The following MYO1E variants were observed in gnomAD, a reference collection of about 807,000 sequenced individuals.
MYO1E encodes unconventional myosin-Ie.
Under a neutral mutation model 151.1 loss-of-function variants are expected in MYO1E, and 68 were observed. The observed-to-expected ratio is 0.45, with a 90% CI of 0.37 to 0.55. The LOEUF is 0.55. Among genes scored for constraint, MYO1E ranks in the 20% least tolerant of loss-of-function variants. The pLI, the probability that MYO1E is intolerant of heterozygous loss-of-function variation, is 0.00. For missense variants in MYO1E, 1,363 were observed against 1,389.3 expected (o/e 0.98, Z 0.30); for synonymous variants, 601 against 501.7 (o/e 1.20, Z -2.64).
At chr15:59,225,804 G>A (rs1261818234) in intron 7 of MYO1E, among the ~76,000 whole-genome samples, 4 of 151,820 alleles carry the variant, frequency 2.6e-5, no homozygotes, top group Non-Finnish European at 5.9e-5. Context: ...CCACCACCAC[G>A]GCCAGCTAAT....
Position 59,137,369 on chromosome 15 carries a change from T to G in MYO1E, c.*11A>C, listed in dbSNP as rs2079379557. The G allele has an allele frequency of 6.2e-7, 1 of 1,613,556 alleles. No homozygotes were observed. The highest frequency in any genetic ancestry group is 1.3e-5 in the African/African-American group (1 of 74,908). On this transcript the variant is annotated 3_prime_UTR_variant, in exon 28 of 28. Transcript: ENST00000288235. Reference sequence around the variant, plus strand: ...AGCTCCTCTGCCCCATGTGTCAGAGTCACGGGCACCTCAGATCTTGGTCAC... The same window carrying G: ...AGCTCCTCTGCCCCATGTGTCAGAGGCACGGGCACCTCAGATCTTGGTCAC...
At chr15:59,192,483 A>G (rs1236460056) in intron 17 of MYO1E, among the ~76,000 whole-genome samples, 4 of 152,130 alleles carry the variant, frequency 2.6e-5, no homozygotes, top group Non-Finnish European at 4.4e-5. Flanking sequence ...TCTATTTTAG[A>G]GGGGCTTTCA....
intron 1 of MYO1E, among the ~76,000 whole-genome samples, chr15:59,308,846 A>G (rs1213858234): frequency 6.6e-6 from 1 of 151,558 alleles, no homozygotes; most frequent in Non-Finnish European, 1.5e-5. Flanking sequence ...CTCAAAAAAA[A>G]AAAATCCTCT....
chr15:59,315,678 G>A (rs1179376742), intron 1 of MYO1E, among the ~76,000 whole-genome samples: 1 of 152,058 alleles, frequency 6.6e-6, no homozygotes, highest in African/African-American at 2.4e-5. Context: ...TCATCAGACT[G>A]TGAGGAAGAT....
chr15:59,254,441 C>T (rs1321020153), intron 4 of MYO1E, among the ~76,000 whole-genome samples: 1 of 152,146 alleles, frequency 6.6e-6, no homozygotes, highest in African/African-American at 2.4e-5. Context: ...CTCCTGCCCC[C>T]TGGCTTCCCA....
rs76518452 is a variant in MYO1E at position 59,136,208 on chromosome 15, C to T, written c.*1172G>A. The T allele has an allele frequency of 6.1e-4, 95 of 155,072 alleles. 2 individuals carry two copies. In the East Asian group the frequency reaches 0.016, roughly 26 times the overall value. 9.6% of individuals were successfully genotyped at this position (155,072 alleles called of 1,614,324 possible). ...CACCATTATATTGGATTAAGACCCA[C>T]TCTAATGACTTCATTTTAATTAGTT... is the stretch of plus-strand genomic sequence containing the variant. On this transcript the variant is annotated 3_prime_UTR_variant, in exon 28 of 28. Coordinates refer to ENST00000288235, the MANE Select transcript of MYO1E (RefSeq NM_004998.4).
intron 26 of MYO1E, among the ~76,000 whole-genome samples, chr15:59,151,851 T>C (rs1402073910): frequency 5.3e-5 from 8 of 151,584 alleles, no homozygotes; most frequent in African/African-American, 1.2e-4. Context: ...ATCAAGACCA[T>C]CCTGGCCAAC....
chr15:59,256,265 A>G lies in MYO1E; in HGVS notation c.332+19T>C, dbSNP rs780262527. The G allele has an allele frequency of 6.4e-7, 1 of 1,554,806 alleles. No homozygotes were observed. The highest frequency in any genetic ancestry group is 8.9e-7 in the Non-Finnish European group (1 of 1,126,488). On this transcript the variant is annotated intron_variant, in intron 4 of 27. Transcript: ENST00000288235. ...AGTCTCATATCTTCCACGCCCACTG[A>G]TAAGGATCTTCTTCATACCTGATAA...
intron 26 of MYO1E, among the ~76,000 whole-genome samples, chr15:59,149,354 C>A (rs1285047317): frequency 6.6e-6 from 1 of 152,230 alleles, no homozygotes; most frequent in African/African-American, 2.4e-5. Flanking sequence ...CCGCGCCCGG[C>A]CTGGATGAAC....
At chr15:59,266,445 C>T (rs186500752) in intron 2 of MYO1E, among the ~76,000 whole-genome samples, 22 of 152,238 alleles carry the variant, frequency 1.4e-4, no homozygotes, top group African/African-American at 5.1e-4. Context: ...TTCCCAAATG[C>T]CTGCCCGTGG....
intron 1 of MYO1E, among the ~76,000 whole-genome samples, chr15:59,367,638 T>C (rs1271442926): frequency 2.0e-5 from 3 of 152,220 alleles, no homozygotes; most frequent in South Asian, 2.1e-4. Context: ...AAGGTGTGGA[T>C]GTATGGATAA....
At chr15:59,304,369 G>T (rs1052183446) in intron 1 of MYO1E, among the ~76,000 whole-genome samples, 2 of 152,176 alleles carry the variant, frequency 1.3e-5, no homozygotes, top group Non-Finnish European at 2.9e-5. Flanking sequence ...GGGTTCCTAC[G>T]CTACTGTTTC....
At chr15:59,253,901 C>CTTTTTTTTTTTTTTTTTTTT (rs34819314) in intron 4 of MYO1E, among the ~76,000 whole-genome samples, 12 of 135,846 alleles carry the variant, frequency 8.8e-5, no homozygotes, top group Non-Finnish European at 1.4e-4. Flanking sequence ...GACAAACAAC[C>CTTTTTTTTTTTTTTTTTTTT]TTTTTTTTTT....
intron 4 of MYO1E, among the ~76,000 whole-genome samples, chr15:59,239,884 G>A (rs1336537395): frequency 1.3e-5 from 2 of 152,194 alleles, no homozygotes; most frequent in South Asian, 2.1e-4. Context: ...TACAGTATAT[G>A]CAACCATAAT....
chr15:59,139,908 A>G (rs2079399452), intron 26 of MYO1E, among the ~76,000 whole-genome samples: 1 of 147,966 alleles, frequency 6.8e-6, no homozygotes, highest in Admixed American at 6.8e-5. Flanking sequence ...TCAATCAGTT[A>G]TTACTCCTCA....
intron 1 of MYO1E, among the ~76,000 whole-genome samples, chr15:59,347,606 T>A (rs896848659): frequency 6.6e-6 from 1 of 152,122 alleles, no homozygotes; most frequent in African/African-American, 2.4e-5. Flanking sequence ...AGAGTAATTA[T>A]AGAATGTGGT....
chr15:59,307,522 G>T (rs542972670), intron 1 of MYO1E, among the ~76,000 whole-genome samples: 9 of 152,262 alleles, frequency 5.9e-5, no homozygotes, highest in African/African-American at 2.2e-4. Flanking sequence ...CACTCTCAGG[G>T]TTTGCTTCAT....
chr15:59,206,987 CG>C, intron 14 of MYO1E: 7 of 1,614,142 alleles, frequency 4.3e-6, no homozygotes, highest in Middle Eastern at 3.3e-4. Flanking sequence ...AGAGTGAGCT[CG>C]GTGGGAGCGA....
At chr15:59,141,672 C>G (rs944486493) in intron 26 of MYO1E, among the ~76,000 whole-genome samples, 4 of 151,968 alleles carry the variant, frequency 2.6e-5, no homozygotes, top group Non-Finnish European at 5.9e-5. Flanking sequence ...ACGGTGCATG[C>G]CTATAGTCCC....
Sources: allele counts gnomAD v4.1 joint callset (sites outside exome capture counted in the v4.1 genomes callset), GRCh38; gene constraint gnomAD v4.1.1; transcripts MANE v1.5; gene names NCBI Gene and HGNC (gene_info 2026-07-23, HGNC 2026-07-21).